Variants in MED27 observed in about 807,000 individuals in gnomAD.
The protein encoded by MED27 is mediator complex subunit 27, also known as mediator of RNA polymerase II transcription subunit 27.
MED27 carries 30 observed loss-of-function variants against 38.2 expected under a neutral mutation model. The observed-to-expected ratio is 0.79, with a 90% CI of 0.59 to 1.07. The LOEUF is 1.07. Among genes scored for constraint, MED27 ranks in the 50% least tolerant of loss-of-function variants. The pLI, the probability that MED27 is intolerant of heterozygous loss-of-function variation, is 0.00. For synonymous variants in MED27, 122 were observed against 153.5 expected, an observed-to-expected ratio of 0.79 and a Z score of 1.52; for missense variants, 289 against 397.5, an observed-to-expected ratio of 0.73 and a Z score of 2.32.
chr9:132,059,735 G>A (rs1833659545), intron 2 of MED27, among the ~76,000 whole-genome samples: 1 of 152,234 alleles, frequency 6.6e-6, no homozygotes, highest in South Asian at 2.1e-4. Context: ...CCCAGCTGAA[G>A]ATCCCTGTCT....
At chr9:131,924,944 T>C (rs1048550492) in intron 4 of MED27, among the ~76,000 whole-genome samples, 2 of 152,214 alleles carry the variant, frequency 1.3e-5, no homozygotes, top group Non-Finnish European at 2.9e-5. Flanking sequence ...ATATTTTCAG[T>C]GTTTCTTTCT....
chr9:131,910,504 T>C (rs1788945222), intron 4 of MED27, among the ~76,000 whole-genome samples: 1 of 152,164 alleles, frequency 6.6e-6, no homozygotes, highest in Non-Finnish European at 1.5e-5. Context: ...CATAAACCTG[T>C]TTCTCAACTC....
At chr9:131,926,548 T>G (rs180934044) in intron 4 of MED27, among the ~76,000 whole-genome samples, 4 of 152,354 alleles carry the variant, frequency 2.6e-5, no homozygotes, top group Non-Finnish European at 5.9e-5. Flanking sequence ...AATTGGAATT[T>G]CTGTACTGCC....
At chr9:131,930,006 C>T (rs1165165915) in intron 4 of MED27, among the ~76,000 whole-genome samples, 1 of 152,110 alleles carries the variant, frequency 6.6e-6, no homozygotes, top group Non-Finnish European at 1.5e-5. Context: ...TGCATCACCT[C>T]ATCTCCAGCT....
At chr9:132,008,204 G>A (rs933014307) in intron 3 of MED27, among the ~76,000 whole-genome samples, 4 of 152,124 alleles carry the variant, frequency 2.6e-5, no homozygotes, top group African/African-American at 9.7e-5. Context: ...GAAAATCGAG[G>A]CTGCTATCTA....
chr9:132,010,430 G>A (rs1333875274), intron 3 of MED27, among the ~76,000 whole-genome samples: 1 of 152,232 alleles, frequency 6.6e-6, no homozygotes, highest in Non-Finnish European at 1.5e-5. Context: ...TTACACTGTT[G>A]GTGGGACTGT....
chr9:131,941,634 A>T (rs1034626580), intron 3 of MED27, among the ~76,000 whole-genome samples: 8 of 152,002 alleles, frequency 5.3e-5, no homozygotes, highest in African/African-American at 1.9e-4. Flanking sequence ...TTGCTCCCGG[A>T]GAAAAGAAGG....
rs180777318 is a variant in MED27 at position 132,035,146 on chromosome 9, G to A, written c.349-20679C>T. On this transcript the variant is annotated intron_variant, in intron 2 of 7. Transcript: ENST00000292035. The stretch of plus-strand genomic sequence containing the variant: ...TTCCTACAACCCACACCACCAATCA[G>A]GAAGGAGGCTTAGAGAAGCTGTCAT... Among the ~76,000 whole-genome samples, 225 of 152,272 alleles carry A rather than the reference G, an allele frequency of 1.5e-3. 1 individual carries two copies. The highest frequency in any genetic ancestry group is 5.3e-3 in the African/African-American group (219 of 41,560).
chr9:131,993,286 T>C (rs1832018171), intron 3 of MED27, among the ~76,000 whole-genome samples: 1 of 152,148 alleles, frequency 6.6e-6, no homozygotes, highest in Non-Finnish European at 1.5e-5. Context: ...TTTACCATGT[T>C]GAAAGGCTGT....
intron 2 of MED27, among the ~76,000 whole-genome samples, chr9:132,037,807 TTC>T (rs1204288110): frequency 1.3e-5 from 2 of 152,128 alleles, no homozygotes; most frequent in East Asian, 3.9e-4. Flanking sequence ...AGTGCTGTGT[TTC>T]TGACACATGA....
chr9:131,912,773 C>G (rs1830215323), intron 4 of MED27, among the ~76,000 whole-genome samples: 1 of 152,272 alleles, frequency 6.6e-6, no homozygotes, highest in South Asian at 2.1e-4. Context: ...ACCAACAGCC[C>G]TCACTTAATC....
chr9:131,922,768 C>T (rs946750465), intron 4 of MED27, among the ~76,000 whole-genome samples: 1 of 152,006 alleles, frequency 6.6e-6, no homozygotes, highest in Non-Finnish European at 1.5e-5. Flanking sequence ...AGGTATATCT[C>T]CTAATGCTAT....
chr9:132,069,983 G>T (rs921642488), intron 2 of MED27, among the ~76,000 whole-genome samples: 2 of 152,174 alleles, frequency 1.3e-5, no homozygotes, highest in Non-Finnish European at 2.9e-5. Flanking sequence ...ACGCCACACT[G>T]GGCACCGGCC....
rs150599813 is a variant in MED27 at position 132,039,248 on chromosome 9, G to A, written c.349-24781C>T. Among the ~76,000 whole-genome samples the A allele has an allele frequency of 5.0e-4, 76 of 152,284 alleles. No individual in the cohort carries two copies. In the East Asian group the frequency reaches 0.013, roughly 26 times the overall value. ...TATCATCAAACCTGTCACTTACCACGTGAGTGCTATGTGTCGGGCACTCTG... is the reference window on the plus strand; with the variant it reads ...TATCATCAAACCTGTCACTTACCACATGAGTGCTATGTGTCGGGCACTCTG... On this transcript the variant is annotated intron_variant, in intron 2 of 7. Transcript: ENST00000292035.
chr9:131,968,754 C>G (rs540607298), intron 3 of MED27, among the ~76,000 whole-genome samples: 22 of 152,328 alleles, frequency 1.4e-4, no homozygotes, highest in Non-Finnish European at 2.8e-4. Context: ...GGGTACCAGT[C>G]TGAGCCTGTT....
chr9:132,025,714 T>C (rs1356724757), intron 2 of MED27, among the ~76,000 whole-genome samples: 1 of 152,206 alleles, frequency 6.6e-6, no homozygotes, highest in Non-Finnish European at 1.5e-5. Flanking sequence ...CTAGAAACAA[T>C]CTCAGGTTTC....
At chr9:132,007,250 G>C (rs189604426) in intron 3 of MED27, among the ~76,000 whole-genome samples, 1 of 152,118 alleles carries the variant, frequency 6.6e-6, no homozygotes, top group African/African-American at 2.4e-5. Flanking sequence ...TCCAAGAATC[G>C]AAACGCAAAG....
At chr9:131,895,626 T>C (rs1009635739) in intron 4 of MED27, among the ~76,000 whole-genome samples, 4 of 152,192 alleles carry the variant, frequency 2.6e-5, no homozygotes, top group African/African-American at 4.8e-5. Context: ...AATACAAACA[T>C]GGTAAGAAAA....
At chr9:132,020,364 C>G (rs998437778) in intron 2 of MED27, among the ~76,000 whole-genome samples, 3 of 152,154 alleles carry the variant, frequency 2.0e-5, no homozygotes, top group Admixed American at 6.5e-5. Flanking sequence ...CACCAAAGCC[C>G]ACAGCCACAA....
Sources: gnomAD v4.1 joint callset for allele counts (sites outside exome capture counted in the v4.1 genomes callset) on GRCh38, gnomAD v4.1.1 for gene constraint, MANE v1.5 for transcripts, NCBI Gene and HGNC (gene_info 2026-07-23, HGNC 2026-07-21) for gene names.